Variants in FUNDC2 observed in about 807,000 individuals in gnomAD.
FUNDC2 encodes FUN14 domain-containing protein 2.
Under a neutral mutation model 15.6 loss-of-function variants are expected in FUNDC2, and 4 were observed. The observed-to-expected ratio is 0.26, with a 90% CI of 0.13 to 0.59. The LOEUF (loss-of-function observed/expected upper bound fraction) is 0.59. FUNDC2 is among the 20% of genes least tolerant of loss of function. The probability of loss-of-function intolerance (pLI) is 0.90; values close to 1 mark genes in which losing one functional copy is unlikely to be tolerated. For missense variants in FUNDC2, 98 were observed against 149.7 expected (o/e 0.65, Z 1.80); for synonymous variants, 44 against 56.9 (o/e 0.77, Z 1.02).
rs782454628 is a variant in FUNDC2, at chrX:155,026,909, G to A, written c.-30G>A. The A allele has an allele frequency of 3.4e-6, 4 of 1,169,511 alleles. No individual in the cohort carries two copies. The African/African-American group carries it at 7.1e-5, about 21-fold the overall frequency. On this transcript the variant is annotated 5_prime_UTR_variant, in exon 1 of 5. Coordinates refer to ENST00000369498, the MANE Select transcript of FUNDC2 (RefSeq NM_023934.4). ...GACTGCAAGCAGCCGCGGCGCGCCC[G>A]GCCCTCCCTCTTCCGCTGCCGCCGT...
At chrX:155,036,130 C>A (rs2073830143) in intron 2 of FUNDC2, among the ~76,000 whole-genome samples, 1 of 112,151 alleles carries the variant, frequency 8.9e-6, no homozygotes, top group Admixed American at 9.4e-5. Flanking sequence ...ACATCTCCAC[C>A]AGCAATGTGT....
At chrX:155,046,640 T>A (rs989192955) in intron 3 of FUNDC2, 56 bp downstream of exon 3, 118 of 960,720 alleles carry the variant, frequency 1.2e-4, no homozygotes, top group Non-Finnish European at 3.6e-5. Flanking sequence ...CATTAAGGAA[T>A]GTGGTGTGGG....
chrX:155,045,673 C>T (rs782734481), intron 2 of FUNDC2, among the ~76,000 whole-genome samples: 1 of 110,931 alleles, frequency 9.0e-6, no homozygotes, highest in East Asian at 2.8e-4. Context: ...AATATGGACA[C>T]AGGACAAAAG....
intron 2 of FUNDC2, among the ~76,000 whole-genome samples, chrX:155,042,262 C>T (rs1450714958): frequency 2.3e-5 from 2 of 86,846 alleles, no homozygotes; most frequent in African/African-American, 9.0e-5. Flanking sequence ...TCTCAGCTCA[C>T]TGCAACCTCC....
intron 3 of FUNDC2, chrX:155,047,204 A>C: frequency 3.4e-6 from 1 of 291,564 alleles, no homozygotes; most frequent in Non-Finnish European, 6.7e-6. Context: ...CATTGGAATC[A>C]CCTAGGAGTT....
chrX:155,031,437 T>C (rs2073814741), intron 1 of FUNDC2, among the ~76,000 whole-genome samples: 1 of 111,541 alleles, frequency 9.0e-6, no homozygotes, highest in Non-Finnish European at 1.9e-5. Context: ...TCAAGTGATT[T>C]TCCTGTCCCA....
chrX:155,054,176 T>C, intron 4 of FUNDC2: 1 of 751,916 alleles, frequency 1.3e-6, no homozygotes, highest in Non-Finnish European at 1.6e-6. Flanking sequence ...AAGCCTCTAT[T>C]GGAGGGTAGA....
chrX:155,054,113 C>T (rs922410915), intron 4 of FUNDC2: 1 of 752,342 alleles, frequency 1.3e-6, no homozygotes, highest in Non-Finnish European at 1.6e-6. Context: ...GAGCAGGTTT[C>T]AGGGGGGAAT....
intron 4 of FUNDC2, among the ~76,000 whole-genome samples, chrX:155,053,292 A>G (rs187618823): frequency 8.9e-5 from 10 of 112,302 alleles, no homozygotes; most frequent in East Asian, 2.8e-4. Flanking sequence ...TTTGGAATTG[A>G]GTTCACTGTC....
rs1321790979 is a variant in FUNDC2 at position 155,055,418 on chromosome X, A to G, written c.*746A>G. 4 of 293,121 alleles carry G rather than the reference A, an allele frequency of 1.4e-5. No individual in the cohort carries two copies. Among genetic ancestry groups the G allele is most frequent in the Non-Finnish European group, 2.4e-5 (4 of 169,184 alleles). 24.2% of individuals were successfully genotyped at this position (293,121 alleles called of 1,213,427 possible). A position where few individuals can be genotyped will look rare whatever the true frequency, so the allele number is the denominator to read the frequency against. On this transcript the variant is annotated 3_prime_UTR_variant, in exon 5 of 5. Transcript: ENST00000369498. ...CCTTATCAAAACATTAGGGGTGGCC[A>G]TAACTCCTCTGTGCCACTTCTACTA... is the stretch of plus-strand genomic sequence containing the variant.
chrX:155,036,357 TGTTG>T (rs1557289188), intron 2 of FUNDC2, among the ~76,000 whole-genome samples: 1 of 112,626 alleles, frequency 8.9e-6, no homozygotes, highest in Non-Finnish European at 1.9e-5. Context: ...TTTATTGGGT[TGTTG>T]GTTTTCTTTC....
chrX:155,037,516 C>T (rs113390777), intron 2 of FUNDC2, among the ~76,000 whole-genome samples: 1,408 of 111,479 alleles, frequency 0.013, 28 homozygotes, highest in African/African-American at 0.043. Flanking sequence ...CATAGTCTCG[C>T]TCTCTCACCC....
intron 2 of FUNDC2, among the ~76,000 whole-genome samples, chrX:155,040,385 A>T (rs1557289442): frequency 8.9e-6 from 1 of 112,027 alleles, no homozygotes; most frequent in African/African-American, 3.2e-5. Context: ...TTCTGTCCTT[A>T]TGGATTGACC....
chrX:155,049,414 T>C (rs2073873625), intron 3 of FUNDC2: 1 of 113,120 alleles, frequency 8.8e-6, no homozygotes, highest in Admixed American at 9.3e-5. Context: ...CGTCCGTTTC[T>C]GTACTTTTTA....
chrX:155,043,064 A>G (rs2073852598), intron 2 of FUNDC2, among the ~76,000 whole-genome samples: 3 of 111,408 alleles, frequency 2.7e-5, no homozygotes, highest in African/African-American at 9.8e-5. Flanking sequence ...AGCCTCTTGA[A>G]TAGTGGAACT....
In FUNDC2 at chrX:155,058,114, C is replaced by T. The variant is rs896842275; in HGVS notation, c.*3442C>T. The T allele has an allele frequency of 2.7e-5, 3 of 111,577 alleles. No individual in the cohort carries two copies. The highest frequency in any genetic ancestry group is 3.3e-5 in the African/African-American group (1 of 30,599). The allele number at this position is 111,577 out of a possible 1,213,427, so 9.2% of individuals were successfully genotyped here. ...CACTCAGCCTCCAGACATTCATTAA[C>T]AGGACAGTGGGGTTCTTGACTCCCC... On this transcript the variant is annotated 3_prime_UTR_variant, in exon 5 of 5. Transcript: ENST00000369498.
chrX:155,032,101 A>G (rs782283618), intron 1 of FUNDC2, among the ~76,000 whole-genome samples: 2 of 107,310 alleles, frequency 1.9e-5, no homozygotes, highest in East Asian at 2.9e-4. Flanking sequence ...TCAGCCTCCC[A>G]AGTAGCTGTG....
At chrX:155,054,109 G>T (rs1291650049) in intron 4 of FUNDC2, 19 of 752,914 alleles carry the variant, frequency 2.5e-5, no homozygotes, top group Non-Finnish European at 3.0e-5. Flanking sequence ...CTGGGAGCAG[G>T]TTTCAGGGGG....
Position 155,054,448 on chromosome X carries a change from AGTCCAT to A in FUNDC2, c.493-146_493-141del, listed in dbSNP as rs2073887751. The A allele has an allele frequency of 4.5e-5, 49 of 1,097,587 alleles. No individual in the cohort carries two copies. The Admixed American group carries it at 1.4e-3, about 31-fold the overall frequency. The allele number at this position is 1,097,587 out of a possible 1,213,427, so 90.5% of individuals were successfully genotyped here. On this transcript the variant is annotated intron_variant, in intron 4 of 4. Transcript: ENST00000369498. Reference sequence around the variant, plus strand: ...TATTATTAAATAGACTATTAGTGTAAGTCCATTGCCCTTTGGGTAAAGTGCAAATTA... The same window carrying A: ...TATTATTAAATAGACTATTAGTGTAATGCCCTTTGGGTAAAGTGCAAATTA...
Sources: gnomAD v4.1 joint callset for allele counts (sites outside exome capture counted in the v4.1 genomes callset) on GRCh38, gnomAD v4.1.1 for gene constraint, MANE v1.5 for transcripts, NCBI Gene and HGNC (gene_info 2026-07-23, HGNC 2026-07-21) for gene names.